Variants in GALNT13 observed in about 807,000 individuals in gnomAD.
GALNT13 encodes UDP-GalNAc:polypeptide N-acetylgalactosaminyltransferase 13.
Under a neutral mutation model 64.2 loss-of-function variants are expected in GALNT13, and 28 were observed. The observed-to-expected ratio is 0.44, with a 90% confidence interval of 0.32 to 0.60. GALNT13 has a LOEUF of 0.60. GALNT13 is among the 20% of genes least tolerant of loss of function. GALNT13 has a pLI of 0.05. For missense variants in GALNT13, 577 were observed against 669.8 expected (o/e 0.86, Z 1.53); for synonymous variants, 214 against 224.6 (o/e 0.95, Z 0.42).
chr2:153,683,046 T>C, the GALNT13 span, among the ~76,000 whole-genome samples: 2 of 151,578 alleles, frequency 1.3e-5, no homozygotes, highest in African/African-American at 2.4e-5. Flanking sequence ...AAAAACAAAA[T>C]TGAGAATACC....
the GALNT13 span, among the ~76,000 whole-genome samples, chr2:153,748,473 C>G: frequency 5.3e-5 from 8 of 152,102 alleles, no homozygotes; most frequent in African/African-American, 1.7e-4. Context: ...GTCATTTTAA[C>G]TGAGGTGAGA....
chr2:154,300,474 C>G lies in GALNT13; in HGVS notation c.976-935C>G, dbSNP rs1047056845. Among the ~76,000 whole-genome samples the G allele has an allele frequency of 4.6e-5, 7 of 151,990 alleles. No individual in the cohort carries two copies. The East Asian group carries it at 1.3e-3, about 29-fold the overall frequency. ...TTAAATCAGATGTATCAAATGAAAACAATGTTAGTTACAGTATAAAACCAT... is the reference window on the plus strand; with the variant it reads ...TTAAATCAGATGTATCAAATGAAAAGAATGTTAGTTACAGTATAAAACCAT... On this transcript the variant is annotated intron_variant, in intron 8 of 12. Transcript: ENST00000392825.
At chr2:154,344,192 A>C (rs1404947418) in intron 9 of GALNT13, among the ~76,000 whole-genome samples, 2 of 152,034 alleles carry the variant, frequency 1.3e-5, no homozygotes, top group African/African-American at 4.8e-5. Flanking sequence ...ACTGTTTGCA[A>C]ATTGCATAAT....
chr2:153,796,760 ATGT>A, the GALNT13 span, among the ~76,000 whole-genome samples: 3 of 152,208 alleles, frequency 2.0e-5, no homozygotes, highest in Non-Finnish European at 4.4e-5. Flanking sequence ...AAAAGTAGAC[ATGT>A]TGTTTCACAG....
intron 11 of GALNT13, among the ~76,000 whole-genome samples, chr2:154,419,704 T>C (rs1229888108): frequency 1.3e-5 from 2 of 152,108 alleles, no homozygotes; most frequent in African/African-American, 4.8e-5. Flanking sequence ...AAAGTTCAGA[T>C]ATTCCTGGTG....
At chr2:153,996,411 C>T (rs147646577) in intron 3 of GALNT13, among the ~76,000 whole-genome samples, 1 of 152,046 alleles carries the variant, frequency 6.6e-6, no homozygotes, top group East Asian at 1.9e-4. Context: ...TTTTTATTTG[C>T]ATTTCTTTTG....
At chr2:154,129,378 T>C (rs1201155520) in intron 3 of GALNT13, among the ~76,000 whole-genome samples, 1 of 152,214 alleles carries the variant, frequency 6.6e-6, no homozygotes, top group East Asian at 1.9e-4. Flanking sequence ...TTCTTGATAT[T>C]GTGCCAGTAA....
At chr2:154,045,866 TCAC>T (rs750224642) in intron 3 of GALNT13, among the ~76,000 whole-genome samples, 2 of 152,250 alleles carry the variant, frequency 1.3e-5, no homozygotes, top group Non-Finnish European at 2.9e-5. Flanking sequence ...AGAAAAGGAT[TCAC>T]CACATTTTTA....
intron 9 of GALNT13, among the ~76,000 whole-genome samples, chr2:154,387,128 A>T (rs1385295515): frequency 3.3e-5 from 5 of 152,160 alleles, no homozygotes; most frequent in Non-Finnish European, 4.4e-5. Context: ...AGTTCTGTCC[A>T]CTGACATGCT....
chr2:153,229,123 G>A, the GALNT13 span, among the ~76,000 whole-genome samples: 2 of 152,138 alleles, frequency 1.3e-5, no homozygotes, highest in Non-Finnish European at 2.9e-5. Flanking sequence ...TATGGGTGGG[G>A]CATACACTAG....
the GALNT13 span, among the ~76,000 whole-genome samples, chr2:153,653,580 T>C: frequency 6.6e-6 from 1 of 152,124 alleles, no homozygotes; most frequent in Non-Finnish European, 1.5e-5. Flanking sequence ...CAAATTGCAA[T>C]TGGTTTCCAA....
the GALNT13 span, among the ~76,000 whole-genome samples, chr2:153,349,640 A>G: frequency 3.3e-5 from 5 of 152,192 alleles, no homozygotes; most frequent in Non-Finnish European, 7.3e-5. Context: ...TTGCTCTTGT[A>G]TACTGCCAAT....
chr2:153,611,937 A>C, the GALNT13 span, among the ~76,000 whole-genome samples: 1 of 149,542 alleles, frequency 6.7e-6, no homozygotes, highest in Non-Finnish European at 1.5e-5. Context: ...ACTCCCACTT[A>C]TGAGTGACAA....
At chr2:153,648,390 A>G in the GALNT13 span, among the ~76,000 whole-genome samples, 1 of 152,314 alleles carries the variant, frequency 6.6e-6, no homozygotes, top group South Asian at 2.1e-4. Context: ...TTTTCTGAAT[A>G]TACAATCATG....
the GALNT13 span, among the ~76,000 whole-genome samples, chr2:153,810,487 GT>G: frequency 6.6e-6 from 1 of 151,960 alleles, no homozygotes; most frequent in African/African-American, 2.4e-5. Context: ...GAATGAATGT[GT>G]TTTTTTACAT....
At chr2:154,036,290 T>A (rs924641954) in intron 3 of GALNT13, among the ~76,000 whole-genome samples, 3 of 152,114 alleles carry the variant, frequency 2.0e-5, no homozygotes, top group African/African-American at 7.2e-5. Flanking sequence ...ATTGATCCCA[T>A]GATATACCTG....
the GALNT13 span, among the ~76,000 whole-genome samples, chr2:153,434,392 G>A: frequency 2.0e-5 from 3 of 152,280 alleles, no homozygotes; most frequent in East Asian, 5.8e-4. Flanking sequence ...GTAGATCCCT[G>A]AGGAATCGCC....
At chr2:153,828,464 G>A in the GALNT13 span, among the ~76,000 whole-genome samples, 4 of 152,166 alleles carry the variant, frequency 2.6e-5, no homozygotes, top group East Asian at 5.8e-4. Context: ...GCCACGGCTT[G>A]GGGCTTGCAA....
chr2:154,383,954 C>T (rs1218940391), intron 9 of GALNT13, among the ~76,000 whole-genome samples: 1 of 151,688 alleles, frequency 6.6e-6, no homozygotes, highest in African/African-American at 2.4e-5. Flanking sequence ...GGGCACATGA[C>T]AGAGCTCTGC....
Sources: allele counts gnomAD v4.1 joint callset (sites outside exome capture counted in the v4.1 genomes callset), GRCh38; gene constraint gnomAD v4.1.1; transcripts MANE v1.5; gene names NCBI Gene and HGNC (gene_info 2026-07-23, HGNC 2026-07-21).